Variants in DPYD observed in about 807,000 individuals in gnomAD.
The protein encoded by DPYD is dihydropyrimidine dehydrogenase [NADP(+)].
In DPYD, 109 loss-of-function variants were observed where a neutral mutation model predicts 116.2. That is an observed-to-expected ratio of 0.94 (90% confidence interval 0.80 to 1.10). The LOEUF (loss-of-function observed/expected upper bound fraction) is 1.10. DPYD is among the 50% of genes least tolerant of loss of function. The pLI, the probability that DPYD is intolerant of heterozygous loss-of-function variation, is 0.00. For synonymous variants in DPYD, 440 were observed against 432.0 expected (o/e 1.02, Z -0.23); for missense variants, 1,302 against 1,254.5 (o/e 1.04, Z -0.57).
At chr1:97,103,752 C>G (rs1484206173) in intron 20 of DPYD, among the ~76,000 whole-genome samples, 2 of 152,106 alleles carry the variant, frequency 1.3e-5, no homozygotes, top group Non-Finnish European at 2.9e-5. Context: ...CTTTACTATT[C>G]TGCTACTAAT....
intron 14 of DPYD, among the ~76,000 whole-genome samples, chr1:97,385,005 G>A (rs1233682874): frequency 1.3e-5 from 2 of 151,902 alleles, no homozygotes; most frequent in Non-Finnish European, 2.9e-5. Flanking sequence ...TCAGAATTGG[G>A]GAGAAAAATG....
chr1:97,330,904 A>G (rs1668954489), intron 16 of DPYD, among the ~76,000 whole-genome samples: 1 of 152,236 alleles, frequency 6.6e-6, no homozygotes, highest in African/African-American at 2.4e-5. Context: ...TAATATTGGT[A>G]CATGAAAGAC....
At chr1:97,692,059 G>T (rs1194574840) in intron 6 of DPYD, among the ~76,000 whole-genome samples, 1 of 151,732 alleles carries the variant, frequency 6.6e-6, no homozygotes, top group Non-Finnish European at 1.5e-5. Flanking sequence ...TATAAAACTG[G>T]CCAAAAGCAA....
intron 9 of DPYD, among the ~76,000 whole-genome samples, chr1:97,593,597 T>C (rs1654677215): frequency 6.6e-6 from 1 of 152,190 alleles, no homozygotes. Context: ...AGTCAGTATC[T>C]TTAGTTTCTT....
intron 18 of DPYD, among the ~76,000 whole-genome samples, chr1:97,280,476 C>T (rs1420906290): frequency 2.6e-5 from 4 of 151,870 alleles, no homozygotes; most frequent in African/African-American, 4.8e-5. Flanking sequence ...TCACAACAGC[C>T]AAGATATGGA....
intron 3 of DPYD, among the ~76,000 whole-genome samples, chr1:97,777,020 T>C (rs966173710): frequency 2.0e-5 from 3 of 152,170 alleles, no homozygotes; most frequent in Admixed American, 2.0e-4. Flanking sequence ...TTATATACTC[T>C]AAGTGAAATT....
chr1:97,091,171 C>T (rs891777147), intron 21 of DPYD, among the ~76,000 whole-genome samples: 5 of 152,116 alleles, frequency 3.3e-5, no homozygotes, highest in Non-Finnish European at 5.9e-5. Flanking sequence ...GTTCTTTCTA[C>T]AGCAGATGGG....
At chr1:97,218,659 C>G (rs1660575978) in intron 19 of DPYD, among the ~76,000 whole-genome samples, 1 of 151,534 alleles carries the variant, frequency 6.6e-6, no homozygotes, top group African/African-American at 2.4e-5. Flanking sequence ...CTTTTCAAAT[C>G]TACTCCATAA....
intron 3 of DPYD, among the ~76,000 whole-genome samples, chr1:97,789,608 C>T (rs1468348423): frequency 6.6e-6 from 1 of 152,166 alleles, no homozygotes; most frequent in East Asian, 1.9e-4. Flanking sequence ...TTTAAATAGC[C>T]TTGTTTTTTC....
chr1:97,397,196 T>C (rs1016370969), intron 14 of DPYD, among the ~76,000 whole-genome samples: 6 of 152,038 alleles, frequency 3.9e-5, no homozygotes, highest in Non-Finnish European at 8.8e-5. Flanking sequence ...CAAAAGTGCA[T>C]GCAGGAAACT....
chr1:97,893,462 A>G (rs141098699), intron 1 of DPYD, among the ~76,000 whole-genome samples: 4,048 of 139,824 alleles, frequency 0.029, 92 homozygotes, highest in South Asian at 0.072. Context: ...ATATATATAT[A>G]GCAATGGAGA....
intron 18 of DPYD, among the ~76,000 whole-genome samples, chr1:97,275,612 T>C (rs576977762): frequency 6.6e-6 from 1 of 152,334 alleles, no homozygotes; most frequent in Admixed American, 6.5e-5. Context: ...TTCTAAAAAT[T>C]GAGGTGTTTG....
intron 18 of DPYD, among the ~76,000 whole-genome samples, chr1:97,250,867 C>T (rs560207019): frequency 2.0e-5 from 3 of 152,254 alleles, no homozygotes; most frequent in Non-Finnish European, 4.4e-5. Context: ...AGATGTGCAT[C>T]ATTTTGAAAG....
intron 4 of DPYD, among the ~76,000 whole-genome samples, chr1:97,729,860 G>A (rs1034258176): frequency 4.6e-5 from 7 of 152,052 alleles, no homozygotes; most frequent in South Asian, 2.1e-4. Context: ...ATGTGAGAGC[G>A]CTTTTGGTAA....
chr1:97,528,897 G>A (rs897417420), intron 12 of DPYD, among the ~76,000 whole-genome samples: 5 of 152,064 alleles, frequency 3.3e-5, no homozygotes, highest in African/African-American at 1.2e-4. Context: ...TTATGCACCT[G>A]CTTAAACTTT....
intron 8 of DPYD, among the ~76,000 whole-genome samples, chr1:97,633,758 C>A (rs1284681146): frequency 6.6e-6 from 1 of 151,914 alleles, no homozygotes; most frequent in Non-Finnish European, 1.5e-5. Context: ...GGCTTATATG[C>A]CTTTTAAAAG....
intron 10 of DPYD, among the ~76,000 whole-genome samples, chr1:97,579,158 C>A (rs1293522488): frequency 6.6e-6 from 1 of 152,090 alleles, no homozygotes; most frequent in Non-Finnish European, 1.5e-5. Context: ...ATATGCCAGT[C>A]AATAAGCCAA....
intron 3 of DPYD, among the ~76,000 whole-genome samples, chr1:97,753,573 A>T (rs1186315725): frequency 1.3e-5 from 2 of 152,168 alleles, no homozygotes; most frequent in African/African-American, 4.8e-5. Flanking sequence ...CAAGCATAAC[A>T]TAGTCATTAC....
At chr1:97,513,157 T>G (rs1351845155) in intron 13 of DPYD, among the ~76,000 whole-genome samples, 5 of 151,578 alleles carry the variant, frequency 3.3e-5, no homozygotes, top group Non-Finnish European at 5.9e-5. Flanking sequence ...CAATCTGGCA[T>G]CTACAAATGT....
Sources: gnomAD v4.1 joint callset for allele counts (sites outside exome capture counted in the v4.1 genomes callset) on GRCh38, gnomAD v4.1.1 for gene constraint, MANE v1.5 for transcripts, NCBI Gene and HGNC (gene_info 2026-07-23, HGNC 2026-07-21) for gene names.